Variants in BBS9 observed in about 807,000 individuals in gnomAD.
The protein encoded by BBS9 is Bardet-Biedl syndrome 9.
A neutral mutation model predicts 117.7 loss-of-function variants in BBS9; 89 were observed. The observed-to-expected ratio is 0.76, with a 90% CI of 0.64 to 0.90. BBS9 has a LOEUF of 0.90. BBS9 is among the 40% of genes least tolerant of loss of function. The pLI, the probability that BBS9 is intolerant of heterozygous loss-of-function variation, is 0.00. For synonymous variants in BBS9, 379 were observed against 370.9 expected (o/e 1.02, Z -0.25); for missense variants, 982 against 1,042.2 (o/e 0.94, Z 0.80).
chr7:33,367,785 A>G lies in BBS9; in HGVS notation c.1712A>G (p.Asp571Gly). 1 of 1,613,906 alleles carries G rather than the reference A, an allele frequency of 6.2e-7. No homozygotes were observed. The highest frequency in any genetic ancestry group is 8.5e-7 in the Non-Finnish European group (1 of 1,179,860). The change falls in exon 17 of 23, where the codon GAT becomes GGT. Residue 571 changes from aspartate (D) to glycine (G), a missense_variant. Coordinates refer to ENST00000242067, the MANE Select transcript of BBS9 (RefSeq NM_198428.3). ...TTTGTAGGTTTTGCCAGTCAGTCAG[A>G]TGATGATCAGGTGAATGTAATGGGT... ...SLFPGFASQS[D>G]DDQVNVMGFH...
chr7:33,369,677 G>A (rs1822491415), intron 17 of BBS9, among the ~76,000 whole-genome samples: 1 of 152,208 alleles, frequency 6.6e-6, no homozygotes, highest in Non-Finnish European at 1.5e-5. Flanking sequence ...GTGATGGAGA[G>A]AGATAGGTAT....
chr7:33,221,258 G>T (rs2128239289), intron 5 of BBS9, among the ~76,000 whole-genome samples: 1 of 152,232 alleles, frequency 6.6e-6, no homozygotes, highest in African/African-American at 2.4e-5. Flanking sequence ...TGAGATCAGA[G>T]ATCATATTTT....
intron 17 of BBS9, among the ~76,000 whole-genome samples, chr7:33,381,469 A>G (rs575455350): frequency 2.8e-4 from 42 of 152,246 alleles, no homozygotes; most frequent in African/African-American, 8.9e-4. Flanking sequence ...TACAATCTAG[A>G]GTTAATATGT....
chr7:33,588,932 C>A (rs1044184323), intron 21 of BBS9, among the ~76,000 whole-genome samples: 1 of 152,066 alleles, frequency 6.6e-6, no homozygotes, highest in Non-Finnish European at 1.5e-5. Context: ...TCATGTGCAG[C>A]CTTTGTGCAG....
chr7:33,322,685 A>G (rs1447330902), intron 9 of BBS9, among the ~76,000 whole-genome samples: 1 of 151,838 alleles, frequency 6.6e-6, no homozygotes, highest in East Asian at 1.9e-4. Context: ...TCAAAAAATA[A>G]CCTTTTCTTT....
intron 5 of BBS9, 23 bp downstream of exon 5, chr7:33,177,614 T>C (rs1797518828): frequency 1.4e-6 from 2 of 1,455,916 alleles, no homozygotes; most frequent in African/African-American, 1.4e-5. Context: ...TAATCATGAG[T>C]ATGCTATTTC....
At chr7:33,367,194 T>C (rs955409851) in intron 16 of BBS9, among the ~76,000 whole-genome samples, 7 of 152,132 alleles carry the variant, frequency 4.6e-5, no homozygotes, top group African/African-American at 9.7e-5. Flanking sequence ...CTTGGTTCTT[T>C]CCCTTTATTA....
At chr7:33,476,941 A>G (rs1345686449) in intron 19 of BBS9, among the ~76,000 whole-genome samples, 1 of 152,228 alleles carries the variant, frequency 6.6e-6, no homozygotes, top group African/African-American at 2.4e-5. Flanking sequence ...TCCTATAAAC[A>G]TAAAAAGAAG....
chr7:33,570,941 A>AACAGATG, intron 21 of BBS9, among the ~76,000 whole-genome samples: 1 of 152,322 alleles, frequency 6.6e-6, no homozygotes, highest in Middle Eastern at 3.4e-3. Context: ...GAGATATAAC[A>AACAGATG]ACAGATGTGA....
At chr7:33,296,078 C>T (rs1006367800) in intron 9 of BBS9, among the ~76,000 whole-genome samples, 4 of 151,980 alleles carry the variant, frequency 2.6e-5, no homozygotes, top group Admixed American at 6.6e-5. Flanking sequence ...CCTACTTATA[C>T]GTTGAAATAC....
intron 5 of BBS9, among the ~76,000 whole-genome samples, chr7:33,190,207 C>T (rs184031962): frequency 2.2e-3 from 335 of 151,162 alleles, no homozygotes; most frequent in African/African-American, 8.0e-3. Context: ...GCAAGCTCCG[C>T]CTCCCGGGTT....
intron 21 of BBS9, among the ~76,000 whole-genome samples, chr7:33,594,414 T>C (rs1862404285): frequency 8.8e-6 from 1 of 113,872 alleles, no homozygotes; most frequent in Non-Finnish European, 1.8e-5. Flanking sequence ...CTGTTGTCTC[T>C]GTCAATGTGG....
chr7:33,499,858 G>C (rs959026369), intron 19 of BBS9, among the ~76,000 whole-genome samples: 1 of 152,092 alleles, frequency 6.6e-6, no homozygotes, highest in African/African-American at 2.4e-5. Flanking sequence ...TTCAATAAAT[G>C]TTGACAATTA....
chr7:33,579,453 T>C (rs1859503122), intron 21 of BBS9, among the ~76,000 whole-genome samples: 1 of 152,190 alleles, frequency 6.6e-6, no homozygotes, highest in South Asian at 2.1e-4. Context: ...TTAAAATATG[T>C]TTATTACACT....
At chr7:33,528,043 G>C (rs78732481) in intron 20 of BBS9, among the ~76,000 whole-genome samples, 1 of 152,094 alleles carries the variant, frequency 6.6e-6, no homozygotes, top group South Asian at 2.1e-4. Context: ...TAGATATAAT[G>C]TAATACAATT....
At chr7:33,608,818 CT>C (rs1864719641), downstream of BBS9, among the ~76,000 whole-genome samples, 1 of 151,998 alleles carries the variant, frequency 6.6e-6, no homozygotes, top group Non-Finnish European at 1.5e-5. Flanking sequence ...TGTCTTTTTA[CT>C]CTGTTGATAG....
intron 20 of BBS9, 58 bp from the exon 21 acceptor site, chr7:33,533,896 G>A: frequency 6.4e-7 from 1 of 1,557,346 alleles, no homozygotes; most frequent in South Asian, 1.1e-5. Context: ...AATACATCAA[G>A]TGCCCACTTT....
chr7:33,248,327 A>G (rs1196841417), intron 5 of BBS9, among the ~76,000 whole-genome samples: 2 of 152,182 alleles, frequency 1.3e-5, no homozygotes, highest in Non-Finnish European at 2.9e-5. Context: ...CTTAGAATCT[A>G]ATTGGATATT....
chr7:33,510,067 A>G (rs981087541), intron 20 of BBS9, among the ~76,000 whole-genome samples: 5 of 152,264 alleles, frequency 3.3e-5, no homozygotes, highest in African/African-American at 1.2e-4. Context: ...AAGAACATTA[A>G]GTATTCTATT....
Sources: gnomAD v4.1 joint callset for allele counts (sites outside exome capture counted in the v4.1 genomes callset) on GRCh38, gnomAD v4.1.1 for gene constraint, MANE v1.5 for transcripts, NCBI Gene and HGNC (gene_info 2026-07-23, HGNC 2026-07-21) for gene names.